Variants in SLC30A8 observed in about 807,000 individuals in gnomAD.
SLC30A8 encodes the protein solute carrier family 30 member 8, also known as proton-coupled zinc antiporter SLC30A8.
Under a neutral mutation model 36.9 loss-of-function variants are expected in SLC30A8, and 27 were observed. That is an observed-to-expected ratio of 0.73 (90% CI 0.54 to 1.01). The LOEUF (loss-of-function observed/expected upper bound fraction) is 1.01. SLC30A8 is among the 50% of genes least tolerant of loss of function. The pLI is 0.00. For missense variants in SLC30A8, 439 were observed against 452.0 expected, an observed-to-expected ratio of 0.97 and a Z score of 0.26; for synonymous variants, 164 against 172.4, an observed-to-expected ratio of 0.95 and a Z score of 0.38.
rs112941679 is a variant in SLC30A8 at position 117,162,013 on chromosome 8, G to A, written c.723+125G>A. On this transcript the variant is annotated intron_variant, in intron 5 of 7. Transcript: ENST00000456015. ...TTACCTATACAAACTACTTTGCAAA[G>A]CTAAAGCAAGCAAACACTCAACCAT... 2.5e-5 allele frequency: 18 copies of A among 723,120 alleles called. No individual in the cohort carries two copies. In the African/African-American group the frequency reaches 3.1e-4, roughly 12 times the overall value. 44.8% of individuals were successfully genotyped at this position (723,120 alleles called of 1,614,324 possible). A position where few individuals can be genotyped will look rare whatever the true frequency, so the allele number is the denominator to read the frequency against.
intron 2 of SLC30A8, among the ~76,000 whole-genome samples, chr8:117,078,901 T>A (rs1056777527): frequency 6.6e-6 from 1 of 152,222 alleles, no homozygotes; most frequent in Non-Finnish European, 1.5e-5. Context: ...TTGCCCAGGC[T>A]GGTCTTGAAT....
chr8:117,041,769 A>G (rs905078819), intron 2 of SLC30A8, among the ~76,000 whole-genome samples: 9 of 152,210 alleles, frequency 5.9e-5, no homozygotes, highest in African/African-American at 2.2e-4. Context: ...AGGACTTGAC[A>G]CATTGATTGC....
chr8:117,082,045 G>A (rs953509288), intron 2 of SLC30A8, among the ~76,000 whole-genome samples: 2 of 152,160 alleles, frequency 1.3e-5, no homozygotes, highest in Non-Finnish European at 2.9e-5. Flanking sequence ...GAGTCCCTGA[G>A]ATAGAATAAG....
intron 2 of SLC30A8, among the ~76,000 whole-genome samples, chr8:117,054,096 A>ATTTTTTTTT (rs1586448380): frequency 2.5e-5 from 3 of 119,198 alleles, no homozygotes; most frequent in African/African-American, 1.1e-4. Context: ...TACTGCAAAA[A>ATTTTTTTTT]TCTTTTTTTT....
At chr8:117,160,443 A>ATGTG (rs1563635255) in intron 4 of SLC30A8, among the ~76,000 whole-genome samples, 2 of 129,670 alleles carry the variant, frequency 1.5e-5, no homozygotes, top group African/African-American at 7.2e-5. Context: ...GTGCGCGCAC[A>ATGTG]TGTGCGCGCG....
chr8:117,054,687 T>G (rs935218734), intron 2 of SLC30A8, among the ~76,000 whole-genome samples: 10 of 145,226 alleles, frequency 6.9e-5, no homozygotes, highest in African/African-American at 2.6e-4. Context: ...CAGAGGTATG[T>G]AGAATATCAT....
intron 2 of SLC30A8, among the ~76,000 whole-genome samples, chr8:117,075,449 CAG>C (rs1468633201): frequency 6.6e-5 from 10 of 152,160 alleles, no homozygotes; most frequent in African/African-American, 2.4e-4. Flanking sequence ...ATTTTTATAA[CAG>C]AGCATGGATT....
intron 2 of SLC30A8, among the ~76,000 whole-genome samples, chr8:117,045,838 C>G (rs1156596107): frequency 6.6e-6 from 1 of 152,074 alleles, no homozygotes. Flanking sequence ...TCAGACCAGC[C>G]GATGGCCCCG....
intron 1 of SLC30A8, among the ~76,000 whole-genome samples, chr8:116,982,342 T>C (rs572105983): frequency 1.3e-5 from 2 of 152,118 alleles, no homozygotes; most frequent in African/African-American, 2.4e-5. Flanking sequence ...TTATTGTCCA[T>C]AGATTCTTGG....
intron 1 of SLC30A8, among the ~76,000 whole-genome samples, chr8:117,010,294 C>T (rs1377972077): frequency 1.3e-5 from 2 of 152,104 alleles, no homozygotes; most frequent in Admixed American, 1.3e-4. Flanking sequence ...AGGGAAATTC[C>T]AGGAAAGGTC....
rs149524118 is a variant in SLC30A8 at position 117,161,811 on chromosome 8, G to C, written c.646G>C (p.Ala216Pro). The C allele has an allele frequency of 6.2e-7, 1 of 1,613,986 alleles. No homozygotes were observed. The highest frequency in any genetic ancestry group is 1.3e-5 in the African/African-American group (1 of 75,044). The change falls in exon 5 of 8, where the codon GCT becomes CCT. Residue 216 changes from alanine to proline, a missense_variant. Ala to Pro is a conservative substitution (Grantham distance 27, BLOSUM62 -1). Transcript: ENST00000456015. Reference protein sequence around the residue: ...KEVQANASVRAAFVHALGDLF... With the variant: ...KEVQANASVRPAFVHALGDLF... ...AGTACAAGCCAATGCCAGCGTCAGA[G>C]CTGCTTTTGTGCATGCCCTTGGAGA...
chr8:117,089,077 A>G (rs190150861), intron 2 of SLC30A8, among the ~76,000 whole-genome samples: 1 of 152,150 alleles, frequency 6.6e-6, no homozygotes, highest in African/African-American at 2.4e-5. Flanking sequence ...TTTCTGTGAC[A>G]TTACACTCTT....
At chr8:117,071,775 G>T in intron 2 of SLC30A8, among the ~76,000 whole-genome samples, 1 of 151,982 alleles carries the variant, frequency 6.6e-6, no homozygotes, top group Non-Finnish European at 1.5e-5. Flanking sequence ...AATACTCATT[G>T]ATATCATGTT....
chr8:117,172,613 A>G lies in SLC30A8; in HGVS notation c.1042A>G (p.Thr348Ala), dbSNP rs746248449. 6.2e-7 allele frequency: 1 copy of G among 1,613,688 alleles called. No homozygotes were observed. The highest frequency in any genetic ancestry group is 1.1e-5 in the South Asian group (1 of 91,082). Residue 348 changes from threonine (T) to alanine (A), a missense_variant, in exon 8 of 8, where the codon ACC (threonine) becomes GCC (alanine). By Grantham distance (58) the Thr-to-Ala change is moderately conservative. Transcript: ENST00000456015. ...CAAAAGCTTTACGATGCACTCACTC[A>G]CCATTCAGATGGAATCTCCAGTTGA... ...LSKSFTMHSLTIQMESPVDQD... is the reference protein window; with the variant it reads ...LSKSFTMHSLAIQMESPVDQD...
At chr8:117,026,655 A>G (rs1816884106) in intron 1 of SLC30A8, among the ~76,000 whole-genome samples, 2 of 152,168 alleles carry the variant, frequency 1.3e-5, no homozygotes, top group South Asian at 4.1e-4. Context: ...CTAAATGTAC[A>G]CTGTTAGACA....
At chr8:117,012,854 G>C (rs1586396858) in intron 1 of SLC30A8, among the ~76,000 whole-genome samples, 1 of 151,496 alleles carries the variant, frequency 6.6e-6, no homozygotes, top group East Asian at 2.0e-4. Flanking sequence ...TAATGCTTTT[G>C]CACTTCAGAG....
chr8:117,133,144 G>A (rs1019091436), upstream of SLC30A8, among the ~76,000 whole-genome samples: 1 of 151,956 alleles, frequency 6.6e-6, no homozygotes, highest in African/African-American at 2.4e-5. Context: ...TAAAATTGCT[G>A]ATATTAGACC....
At chr8:117,121,885 A>G (rs921906711) in intron 2 of SLC30A8, among the ~76,000 whole-genome samples, 1 of 151,904 alleles carries the variant, frequency 6.6e-6, no homozygotes, top group South Asian at 2.1e-4. Flanking sequence ...AGTTTCAGTT[A>G]AGCAACATGG....
chr8:116,982,557 A>T (rs151024072), intron 1 of SLC30A8, among the ~76,000 whole-genome samples: 2 of 152,150 alleles, frequency 1.3e-5, no homozygotes, highest in African/African-American at 4.8e-5. Flanking sequence ...AGCAAATAAG[A>T]TAGTTATTTA....
Sources: allele counts gnomAD v4.1 joint callset (sites outside exome capture counted in the v4.1 genomes callset), GRCh38; gene constraint gnomAD v4.1.1; transcripts MANE v1.5; gene names NCBI Gene and HGNC (gene_info 2026-07-23, HGNC 2026-07-21).